Variants in MTUS1 observed in about 807,000 individuals in gnomAD.
MTUS1 encodes the protein microtubule-associated tumor suppressor 1.
MTUS1 carries 109 observed loss-of-function variants against 120.8 expected under a neutral mutation model. The observed-to-expected ratio is 0.90, with a 90% CI of 0.77 to 1.06. MTUS1 has a LOEUF of 1.06. Ranked by LOEUF, MTUS1 falls within the 50% of genes least tolerant of loss-of-function variation. The pLI, the probability that MTUS1 is intolerant of heterozygous loss-of-function variation, is 0.00. For missense variants in MTUS1, 2,210 were observed against 1,486.3 expected (o/e 1.49, Z -8.01); for synonymous variants, 737 against 550.5 (o/e 1.34, Z -4.74).
intron 1 of MTUS1, among the ~76,000 whole-genome samples, chr8:17,798,686 T>C (rs2052450332): frequency 6.6e-6 from 1 of 152,188 alleles, no homozygotes; most frequent in Non-Finnish European, 1.5e-5. Flanking sequence ...GAAGCTACGA[T>C]TTAGAAGTGT....
intron 1 of MTUS1, among the ~76,000 whole-genome samples, chr8:17,787,593 G>A (rs902702711): frequency 4.6e-5 from 7 of 152,128 alleles, no homozygotes; most frequent in African/African-American, 7.2e-5. Flanking sequence ...ACTGACTCAG[G>A]AACTGGGTTA....
At chr8:17,758,593 A>C (rs1456816398) in intron 1 of MTUS1, among the ~76,000 whole-genome samples, 3 of 152,240 alleles carry the variant, frequency 2.0e-5, no homozygotes, top group Non-Finnish European at 4.4e-5. Flanking sequence ...ATATTTATTC[A>C]TTTTTAGGCT....
chr8:17,765,218 G>A (rs1328109840), intron 1 of MTUS1, among the ~76,000 whole-genome samples: 2 of 152,164 alleles, frequency 1.3e-5, no homozygotes, highest in African/African-American at 4.8e-5. Context: ...ATGGGGAGTG[G>A]CTGTGAACAC....
chr8:17,754,474 A>G lies in MTUS1; in HGVS notation c.1334T>C (p.Ile445Thr), dbSNP rs1035641543. Reference protein sequence around the residue: ...PTKVTFSVSPIEATEKCKKVE... With the variant: ...PTKVTFSVSPTEATEKCKKVE... ...TTTCTTACATTTCTCCGTCGCTTCAATCGGTGAAACAGAAAAGGTTACTTT... is the reference window on the plus strand; with the variant it reads ...TTTCTTACATTTCTCCGTCGCTTCAGTCGGTGAAACAGAAAAGGTTACTTT... Residue 445 changes from isoleucine (I) to threonine (T), a missense_variant, in exon 2 of 15, where the codon ATT becomes ACT. By Grantham distance (89) the Ile-to-Thr change is moderately conservative. Coordinates refer to ENST00000693296, the MANE Select transcript of MTUS1 (RefSeq NM_001363059.2). The G allele has an allele frequency of 6.2e-7, 1 of 1,614,110 alleles. No homozygotes were observed. Among genetic ancestry groups the G allele is most frequent in the Non-Finnish European group, 8.5e-7 (1 of 1,180,014 alleles).
chr8:17,721,708 CTACTT>C, intron 4 of MTUS1: 1 of 1,548,292 alleles, frequency 6.5e-7, no homozygotes. Context: ...AATCGTCGAC[CTACTT>C]TTTTTCCCAG....
rs1189752495 is a variant in MTUS1, at chr8:17,644,195, T to C, written c.*1731A>G. The C allele has an allele frequency of 2.6e-5, 4 of 152,342 alleles. No individual in the cohort carries two copies. The highest frequency in any genetic ancestry group is 1.3e-4 in the Admixed American group (2 of 15,280). 9.4% of individuals were successfully genotyped at this position (152,342 alleles called of 1,614,324 possible). A position where few individuals can be genotyped will look rare whatever the true frequency, so the allele number is the denominator to read the frequency against. ...AAGTGGCAGTGAACCTACATTTCCA[T>C]TTATCAGAAGCAAACATGGAAGGTT... On this transcript the variant is annotated 3_prime_UTR_variant, in exon 15 of 15. Coordinates refer to ENST00000693296, the MANE Select transcript of MTUS1 (RefSeq NM_001363059.2).
Position 17,644,367 on chromosome 8 carries a change from C to T in MTUS1, c.*1559G>A, listed in dbSNP as rs1182559831. On this transcript the variant is annotated 3_prime_UTR_variant, in exon 15 of 15. Coordinates refer to ENST00000693296, the MANE Select transcript of MTUS1 (RefSeq NM_001363059.2). The stretch of plus-strand genomic sequence containing the variant: ...CTCTAGCATCCTGAATCTCTTCTTA[C>T]TACAGCTGTTATTTGTACAGCCACT... The T allele has an allele frequency of 6.6e-6, 1 of 152,642 alleles. No homozygotes were observed. The highest frequency in any genetic ancestry group is 1.5e-5 in the Non-Finnish European group (1 of 68,042). The allele number at this position is 152,642 out of a possible 1,614,324, so 9.5% of individuals were successfully genotyped here.
rs187688698 is a variant in MTUS1, at chr8:17,783,964, T to C, written c.-155+17097A>G. On this transcript the variant is annotated intron_variant, in intron 1 of 14. Transcript: ENST00000693296. ...AGATGAATGCAATGAAGATTTCCAC[T>C]GAAAGATGGCAGAGAAATGTTCTAC... Among the ~76,000 whole-genome samples the C allele has an allele frequency of 6.9e-3, 1,051 of 152,264 alleles. 40 individuals are homozygous for C. The highest frequency in any genetic ancestry group is 0.045 in the Admixed American group (692 of 15,296).
intron 3 of MTUS1, among the ~76,000 whole-genome samples, chr8:17,728,872 A>G (rs1422586925): frequency 6.6e-6 from 1 of 152,188 alleles, no homozygotes; most frequent in East Asian, 1.9e-4. Flanking sequence ...GAAGACTGAA[A>G]TCAGGGAAAA....
chr8:17,704,796 A>C (rs1819818251), intron 6 of MTUS1, among the ~76,000 whole-genome samples: 1 of 151,970 alleles, frequency 6.6e-6, no homozygotes. Flanking sequence ...CTATTTCTTT[A>C]AAAAAATGAC....
chr8:17,734,624 C>G (rs1014223562), intron 3 of MTUS1, among the ~76,000 whole-genome samples: 3 of 152,152 alleles, frequency 2.0e-5, no homozygotes, highest in Admixed American at 6.5e-5. Flanking sequence ...AGGCCTGGAA[C>G]ATGTGTCCCA....
At chr8:17,722,100 C>T (rs925031106) in intron 4 of MTUS1, 2 of 1,309,726 alleles carry the variant, frequency 1.5e-6, no homozygotes, top group African/African-American at 1.5e-5. Flanking sequence ...GCTTAATCCG[C>T]AACAGGAACA....
chr8:17,720,546 C>T (rs2045756231), intron 4 of MTUS1, among the ~76,000 whole-genome samples: 1 of 152,132 alleles, frequency 6.6e-6, no homozygotes, highest in South Asian at 2.1e-4. Context: ...TCTTACATTT[C>T]CCCTACCATC....
chr8:17,667,561 T>G (rs1326574205), intron 8 of MTUS1, among the ~76,000 whole-genome samples: 1 of 152,234 alleles, frequency 6.6e-6, no homozygotes, highest in Non-Finnish European at 1.5e-5. Flanking sequence ...TACTGTTTTT[T>G]GCAAGTTACT....
chr8:17,760,347 T>A (rs550056521), intron 1 of MTUS1, among the ~76,000 whole-genome samples: 1 of 152,222 alleles, frequency 6.6e-6, no homozygotes, highest in Non-Finnish European at 1.5e-5. Context: ...TCTCTTCTAC[T>A]TTGTAGACAA....
In MTUS1 at chr8:17,684,342, G is replaced by A; in HGVS notation, c.2824C>T (p.His942Tyr). 1 of 1,613,820 alleles carries A rather than the reference G, an allele frequency of 6.2e-7. No homozygotes were observed. Among genetic ancestry groups the A allele is most frequent in the South Asian group, 1.1e-5 (1 of 91,072 alleles). ...CACCTCCTTACCTCAGACAGCAGGT[G>A]CTGAATCACAACTGTCAATGCCTCA... ...KFEALTVVIQ[H>Y]LLSEREEALK... The change falls in exon 7 of 15, where the codon CAC becomes TAC. Residue 942 changes from histidine to tyrosine, a missense_variant. His to Tyr is a moderately conservative substitution (Grantham distance 83). Coordinates refer to ENST00000693296, the MANE Select transcript of MTUS1 (RefSeq NM_001363059.2).
intron 6 of MTUS1, among the ~76,000 whole-genome samples, chr8:17,709,548 A>C (rs1449817744): frequency 1.3e-5 from 2 of 152,134 alleles, no homozygotes; most frequent in Non-Finnish European, 2.9e-5. Context: ...AACTGTAGTC[A>C]ACATTCTGTA....
intron 6 of MTUS1, among the ~76,000 whole-genome samples, chr8:17,698,378 T>C (rs7824428): frequency 1 from 152,112 of 152,310 alleles, 75,957 homozygotes; most frequent in Middle Eastern, 1. Flanking sequence ...TGTTAAAACA[T>C]GATAGCAAAA....
In MTUS1 at chr8:17,645,569, CATTACAAAG is replaced by C. The variant is rs145927082; in HGVS notation, c.*348_*356del. On this transcript the variant is annotated 3_prime_UTR_variant, in exon 15 of 15. Coordinates refer to ENST00000693296, the MANE Select transcript of MTUS1 (RefSeq NM_001363059.2). ...ACAAGAAGGTGTCTGTGGTGAAGAA[CATTACAAAG>C]GTTATAAATCTTAATAGGGCCCTGA... 816 of 179,214 alleles carry C rather than the reference CATTACAAAG, an allele frequency of 4.6e-3. 11 individuals carry two copies. Among genetic ancestry groups the C allele is most frequent in the African/African-American group, 0.018 (751 of 42,230 alleles). The allele number at this position is 179,214 out of a possible 1,614,324, so 11.1% of individuals were successfully genotyped here.
Sources: gnomAD v4.1 joint callset for allele counts (sites outside exome capture counted in the v4.1 genomes callset) on GRCh38, gnomAD v4.1.1 for gene constraint, MANE v1.5 for transcripts, NCBI Gene and HGNC (gene_info 2026-07-23, HGNC 2026-07-21) for gene names.